NOL4L: variants seen among roughly 807,000 people sequenced by gnomAD.
The protein encoded by NOL4L is nucleolar protein 4 like, also known as nucleolar protein 4-like.
In NOL4L, 7 loss-of-function variants were observed where a neutral mutation model predicts 64.5. The ratio of observed to expected loss-of-function variants is 0.11; its 90% CI spans 0.06 to 0.20. NOL4L has a LOEUF of 0.20. Ranked by LOEUF, NOL4L falls within the 10% of genes least tolerant of loss-of-function variation. The pLI is 1.00. For missense variants in NOL4L, 680 were observed against 967.1 expected, an observed-to-expected ratio of 0.70 and a Z score of 3.94; for synonymous variants, 413 against 401.0, an observed-to-expected ratio of 1.03 and a Z score of -0.36.
chr20:32,536,205 A>G lies in NOL4L; in HGVS notation c.322-8292T>C, dbSNP rs1347573325. ...ACTCTGGCGACCCGCCTCCCGGGGC[A>G]CCGCAGCCTAGGACAGGGAATCGGG... On this transcript the variant is annotated intron_variant, in intron 1 of 10. Transcript: ENST00000621426. The G allele has an allele frequency of 4.1e-6, 4 of 985,446 alleles. No individual in the cohort carries two copies. In the African/African-American group the frequency reaches 7.0e-5, roughly 17 times the overall value. The allele number at this position is 985,446 out of a possible 1,614,324, so 61.0% of individuals were successfully genotyped here.
At chr20:32,568,865 C>T (rs1433637554) in intron 1 of NOL4L, among the ~76,000 whole-genome samples, 1 of 152,184 alleles carries the variant, frequency 6.6e-6, no homozygotes, top group East Asian at 1.9e-4. Flanking sequence ...GGACTGCAGG[C>T]TGCTTGTGTG....
At chr20:32,531,769 G>A (rs558950949) in intron 1 of NOL4L, among the ~76,000 whole-genome samples, 1 of 152,290 alleles carries the variant, frequency 6.6e-6, no homozygotes, top group East Asian at 1.9e-4. Context: ...TACAGACTTG[G>A]TTAATGTTCA....
chr20:32,452,488 A>G (rs2013030188), intron 9 of NOL4L, 51 bp from the exon 10 acceptor site: 1 of 1,463,552 alleles, frequency 6.8e-7, no homozygotes, highest in East Asian at 2.4e-5. Flanking sequence ...AGCTGGCCCC[A>G]ACTACCATCC....
At position 32,525,257 on chromosome 20, in the gene NOL4L, C is replaced by T. The variant is rs117557308; in HGVS notation, c.477+2501G>A. ...GCCCAAAGAGTGCCTGTGGACGAGGCTTGATGCTGGACACCGAAGGGGCCA... is the reference window on the plus strand; with the variant it reads ...GCCCAAAGAGTGCCTGTGGACGAGGTTTGATGCTGGACACCGAAGGGGCCA... On this transcript the variant is annotated intron_variant, in intron 2 of 10. Coordinates refer to ENST00000621426, the MANE Select transcript of NOL4L (RefSeq NM_001256798.2). Among the ~76,000 whole-genome samples, 980 of 152,338 alleles carry T rather than the reference C, an allele frequency of 6.4e-3. 4 individuals are homozygous for T. The highest frequency in any genetic ancestry group is 0.017 in the Middle Eastern group (5 of 294).
intron 4 of NOL4L, chr20:32,510,816 T>C (rs1600793205): frequency 1.3e-5 from 2 of 152,456 alleles, no homozygotes; most frequent in African/African-American, 4.9e-5. Context: ...CGAGAGGGAG[T>C]TTCTTTTCAT....
intron 4 of NOL4L, among the ~76,000 whole-genome samples, chr20:32,484,781 G>A (rs2015982221): frequency 6.6e-6 from 1 of 152,048 alleles, no homozygotes; most frequent in African/African-American, 2.4e-5. Flanking sequence ...GGTCCCCCAG[G>A]CGGACAGACC....
At position 32,446,453 on chromosome 20, in the gene NOL4L, C is replaced by CAGA. The variant is rs2012335480; in HGVS notation, c.*1142_*1143insTCT. 1 of 152,286 alleles carries CAGA rather than the reference C, an allele frequency of 6.6e-6. No homozygotes were observed. The highest frequency in any genetic ancestry group is 1.5e-5 in the Non-Finnish European group (1 of 68,116). 9.4% of individuals were successfully genotyped at this position (152,286 alleles called of 1,614,324 possible). On this transcript the variant is annotated 3_prime_UTR_variant, in exon 11 of 11. Transcript: ENST00000621426. The stretch of plus-strand genomic sequence containing the variant: ...CTGGAGCTCACGGCTGCCTGATAGC[C>CAGA]GGGGCTCACCCTGAAGAAGTGGCCC...
chr20:32,557,665 T>A (rs570858692), intron 1 of NOL4L, among the ~76,000 whole-genome samples: 1 of 152,334 alleles, frequency 6.6e-6, no homozygotes, highest in South Asian at 2.1e-4. Context: ...ATCAAATATC[T>A]CTGCAAGGAC....
Position 32,453,175 on chromosome 20 carries a change from G to T in NOL4L, c.1497+129C>A. 7.1e-7 allele frequency: 1 copy of T among 1,412,926 alleles called. No homozygotes were observed. Among genetic ancestry groups the T allele is most frequent in the Non-Finnish European group, 9.6e-7 (1 of 1,043,842 alleles). 87.5% of individuals were successfully genotyped at this position (1,412,926 alleles called of 1,614,324 possible). ...CCTTAGTTCCCTCATTTGCAAACCA[G>T]GGATTATGGTACTTGCTTCCAGGGC... On this transcript the variant is annotated intron_variant, in intron 8 of 10. Transcript: ENST00000621426. This position sits in a 1 kb window ranked among gnomAD's most constrained non-coding sequence, Gnocchi z 5.6.
chr20:32,453,288 G>C lies in NOL4L; in HGVS notation c.1497+16C>G. On this transcript the variant is annotated intron_variant, in intron 8 of 10. Transcript: ENST00000621426. The surrounding 1 kb of genome is among the most constrained non-coding windows in gnomAD (Gnocchi z 5.6). Reference sequence around the variant, plus strand: ...TGGCACCGAGGGAAAGTGTGGGCCAGGCAGGGGGGACTCACCATCTCCATG... The same window carrying C: ...TGGCACCGAGGGAAAGTGTGGGCCACGCAGGGGGGACTCACCATCTCCATG... 1 of 1,610,074 alleles carries C rather than the reference G, an allele frequency of 6.2e-7. No homozygotes were observed. Among genetic ancestry groups the C allele is most frequent in the South Asian group, 1.1e-5 (1 of 90,816 alleles).
chr20:32,584,135 A>ACACACC, intron 1 of NOL4L, among the ~76,000 whole-genome samples: 1 of 94,292 alleles, frequency 1.1e-5, no homozygotes, highest in African/African-American at 4.2e-5. Context: ...CCGCGCGCGC[A>ACACACC]CACACACACA....
chr20:32,454,548 TC>T (rs2013283896), intron 6 of NOL4L, among the ~76,000 whole-genome samples: 1 of 152,078 alleles, frequency 6.6e-6, no homozygotes, highest in South Asian at 2.1e-4. Flanking sequence ...CTCCCTCTTT[TC>T]CCCCATGCCC....
chr20:32,558,045 C>T (rs998494488), intron 1 of NOL4L, among the ~76,000 whole-genome samples: 18 of 152,130 alleles, frequency 1.2e-4, no homozygotes, highest in Admixed American at 1.2e-3. Context: ...AGAATGAAAC[C>T]GTGTCTCAAT....
At chr20:32,476,198 G>GAAACACACACACACACAC (rs1555793810) in intron 4 of NOL4L, among the ~76,000 whole-genome samples, 10 of 140,978 alleles carry the variant, frequency 7.1e-5, no homozygotes, top group African/African-American at 2.7e-4. Flanking sequence ...CACCCGGAGG[G>GAAACACACACACACACAC]ACACACACAC....
At chr20:32,502,806 G>A (rs1304126082) in intron 4 of NOL4L, among the ~76,000 whole-genome samples, 2 of 152,132 alleles carry the variant, frequency 1.3e-5, no homozygotes, top group African/African-American at 4.8e-5. Context: ...AGCTACTCGG[G>A]AGGCTGAGGC....
At chr20:32,556,068 C>T (rs2145608605) in intron 1 of NOL4L, among the ~76,000 whole-genome samples, 1 of 152,362 alleles carries the variant, frequency 6.6e-6, no homozygotes, top group Admixed American at 6.5e-5. Flanking sequence ...CGGGGTCTGC[C>T]TTGGTCTCTG....
At chr20:32,584,133 GCACACACACACACACACA>G (rs745461984) in intron 1 of NOL4L, among the ~76,000 whole-genome samples, 1 of 88,800 alleles carries the variant, frequency 1.1e-5, no homozygotes, top group African/African-American at 5.2e-5. Flanking sequence ...CTCCGCGCGC[GCACACACACACACACACA>G]CACACACACA....
chr20:32,472,097 G>A (rs2015062936), intron 5 of NOL4L, among the ~76,000 whole-genome samples: 1 of 152,260 alleles, frequency 6.6e-6, no homozygotes, highest in African/African-American at 2.4e-5. Context: ...CAGGTACTCA[G>A]ATGGGAAGGA....
intron 1 of NOL4L, among the ~76,000 whole-genome samples, chr20:32,567,887 ACCAC>A (rs1268572835): frequency 3.3e-5 from 5 of 151,572 alleles, no homozygotes; most frequent in Middle Eastern, 3.4e-3. Flanking sequence ...CACCACCACC[ACCAC>A]CATCATCTTC....
Sources: allele counts gnomAD v4.1 joint callset (sites outside exome capture counted in the v4.1 genomes callset), GRCh38; gene constraint gnomAD v4.1.1; non-coding constraint Gnocchi (gnomAD v3.1); transcripts MANE v1.5; gene names NCBI Gene and HGNC (gene_info 2026-07-23, HGNC 2026-07-21).